CLDN10: variants seen among roughly 807,000 people sequenced by gnomAD.
The protein encoded by CLDN10 is claudin-10.
In CLDN10, 15 loss-of-function variants were observed where a neutral mutation model predicts 22.9. The ratio of observed to expected loss-of-function variants is 0.65; its 90% confidence interval spans 0.44 to 1.01. CLDN10 has a LOEUF of 1.01. CLDN10 is among the 50% of genes least tolerant of loss of function. The pLI is 0.00. For missense variants in CLDN10, 247 were observed against 287.8 expected (o/e 0.86, Z 1.03); for synonymous variants, 114 against 111.4 (o/e 1.02, Z -0.15).
intron 1 of CLDN10, among the ~76,000 whole-genome samples, chr13:95,439,741 T>G (rs896836853): frequency 4.1e-4 from 63 of 152,050 alleles, no homozygotes; most frequent in African/African-American, 1.4e-3. Flanking sequence ...ATTTTGGGGG[T>G]TATGATTTCC....
At chr13:95,441,501 A>G (rs771149862) in intron 1 of CLDN10, among the ~76,000 whole-genome samples, 2 of 152,144 alleles carry the variant, frequency 1.3e-5, no homozygotes, top group Non-Finnish European at 2.9e-5. Context: ...TCAGCCTCCC[A>G]AAGTGCTGGG....
At chr13:95,550,769 G>A (rs1016764965), upstream of CLDN10, among the ~76,000 whole-genome samples, 8 of 150,026 alleles carry the variant, frequency 5.3e-5, no homozygotes, top group Admixed American at 2.0e-4. Flanking sequence ...TTGCTCAAAG[G>A]TGACTGATTT....
intron 1 of CLDN10, among the ~76,000 whole-genome samples, chr13:95,498,380 G>A (rs74986842): frequency 0.028 from 4,326 of 152,156 alleles, 90 homozygotes; most frequent in Middle Eastern, 0.071. Flanking sequence ...AATATTTTAT[G>A]GGTGATATAC....
At chr13:95,434,652 C>T (rs1025395146) in intron 1 of CLDN10, among the ~76,000 whole-genome samples, 1 of 151,818 alleles carries the variant, frequency 6.6e-6, no homozygotes, top group African/African-American at 2.4e-5. Flanking sequence ...ATGTAACACA[C>T]ATATATATGT....
intron 1 of CLDN10, among the ~76,000 whole-genome samples, chr13:95,531,433 G>C (rs778484608): frequency 1.3e-5 from 2 of 151,974 alleles, no homozygotes; most frequent in East Asian, 1.9e-4. Flanking sequence ...TCTAGTAGGC[G>C]GTCAAAAGTC....
intron 1 of CLDN10, among the ~76,000 whole-genome samples, chr13:95,500,008 G>A (rs1201029499): frequency 2.6e-5 from 4 of 152,142 alleles, no homozygotes; most frequent in African/African-American, 4.8e-5. Context: ...GCCATCCTTG[G>A]CCCACAGGCA....
At chr13:95,498,595 A>G (rs761009756) in intron 1 of CLDN10, among the ~76,000 whole-genome samples, 1 of 152,054 alleles carries the variant, frequency 6.6e-6, no homozygotes, top group Non-Finnish European at 1.5e-5. Context: ...GGGTTTCACC[A>G]TGTTTGCCAG....
chr13:95,435,827 A>G (rs985680934), intron 1 of CLDN10, among the ~76,000 whole-genome samples: 22 of 151,876 alleles, frequency 1.4e-4, no homozygotes, highest in Non-Finnish European at 2.8e-4. Context: ...TTCAATTATT[A>G]TATATATTTT....
intron 1 of CLDN10, among the ~76,000 whole-genome samples, chr13:95,509,159 A>G (rs1387681141): frequency 1.3e-5 from 2 of 152,180 alleles, no homozygotes; most frequent in Non-Finnish European, 2.9e-5. Flanking sequence ...TATTAAGCTG[A>G]CTGGTCAGAC....
intron 1 of CLDN10, among the ~76,000 whole-genome samples, chr13:95,511,108 A>G (rs951702336): frequency 1.3e-5 from 2 of 152,226 alleles, no homozygotes; most frequent in African/African-American, 2.4e-5. Context: ...TTAAAGCTCA[A>G]GAATTCTTGG....
At chr13:95,495,964 C>T (rs538114323) in intron 1 of CLDN10, among the ~76,000 whole-genome samples, 1 of 152,200 alleles carries the variant, frequency 6.6e-6, no homozygotes, top group Non-Finnish European at 1.5e-5. Context: ...CCAGCCAGGA[C>T]AGGCCCTAAA....
At chr13:95,456,997 A>T (rs1462312768) in intron 1 of CLDN10, among the ~76,000 whole-genome samples, 1 of 152,164 alleles carries the variant, frequency 6.6e-6, no homozygotes, top group Non-Finnish European at 1.5e-5. Flanking sequence ...GGCTGTAAAT[A>T]GCATAGGTCC....
At chr13:95,564,055 A>G (rs1472469702) in intron 3 of CLDN10, among the ~76,000 whole-genome samples, 2 of 152,240 alleles carry the variant, frequency 1.3e-5, no homozygotes, top group African/African-American at 2.4e-5. Context: ...CTTAGAGAGG[A>G]ATACGTTGTA....
At position 95,488,950 on chromosome 13, in the gene CLDN10, C is replaced by CTTTTTTTTTTTTTT. The variant is rs58919737; in HGVS notation, c.214+54910_214+54923dup. On this transcript the variant is annotated intron_variant, in intron 1 of 4. Transcript: ENST00000376873. Reference sequence around the variant, plus strand: ...TCAAATCATAGTTCTACTTTTTGTTCTTTTTTTTTTTTTTTTTTTTGAAAC... The same window carrying CTTTTTTTTTTTTTT: ...TCAAATCATAGTTCTACTTTTTGTTCTTTTTTTTTTTTTTTTTTTTTTTTTTTTTTTTTTGAAAC... 1.8e-5 allele frequency among the ~76,000 whole-genome samples: 2 copies of CTTTTTTTTTTTTTT among 110,710 alleles called. 1 individual carries two copies. The allele number at this position is 110,710 out of a possible 152,430, so 72.6% of individuals were successfully genotyped here.
intron 3 of CLDN10, among the ~76,000 whole-genome samples, chr13:95,565,988 G>A (rs1438156006): frequency 6.6e-6 from 1 of 152,152 alleles, no homozygotes; most frequent in Non-Finnish European, 1.5e-5. Context: ...GTATTCCATG[G>A]TGTATATGTG....
chr13:95,553,116 A>C (rs1464690838), intron 1 of CLDN10, 143 bp downstream of exon 1: 5 of 1,179,906 alleles, frequency 4.2e-6, no homozygotes, highest in Non-Finnish European at 5.8e-6. Context: ...ACAGGGCCTT[A>C]GGGAGCCAGG....
chr13:95,550,504 G>C (rs1029535826), upstream of CLDN10, among the ~76,000 whole-genome samples: 1 of 152,136 alleles, frequency 6.6e-6, no homozygotes, highest in Non-Finnish European at 1.5e-5. Context: ...GGTAAACAAA[G>C]GGACTATCGA....
At chr13:95,551,805 T>C (rs1490829309), upstream of CLDN10, among the ~76,000 whole-genome samples, 1 of 152,196 alleles carries the variant, frequency 6.6e-6, no homozygotes, top group African/African-American at 2.4e-5. Flanking sequence ...TTGATCTTTA[T>C]GTTTACCTTG....
intron 1 of CLDN10, among the ~76,000 whole-genome samples, chr13:95,517,179 A>G (rs563419956): frequency 8.2e-6 from 1 of 122,388 alleles, no homozygotes; most frequent in Admixed American, 9.1e-5. Flanking sequence ...CTGTTTTTTC[A>G]TTCTTAAATT....
Sources: gnomAD v4.1 joint callset for allele counts (sites outside exome capture counted in the v4.1 genomes callset) on GRCh38, gnomAD v4.1.1 for gene constraint, MANE v1.5 for transcripts, NCBI Gene and HGNC (gene_info 2026-07-23, HGNC 2026-07-21) for gene names.